Variants in RAP1A observed in about 807,000 individuals in gnomAD.
RAP1A encodes the protein ras-related protein Rap-1A.
In RAP1A, 6 loss-of-function variants were observed where a neutral mutation model predicts 26.4. The ratio of observed to expected loss-of-function variants is 0.23; its 90% CI spans 0.12 to 0.45. The LOEUF (loss-of-function observed/expected upper bound fraction) is 0.45. Ranked by LOEUF, RAP1A falls within the 20% of genes least tolerant of loss-of-function variation. RAP1A has a pLI of 0.99. For synonymous variants in RAP1A, 73 were observed against 79.4 expected, an observed-to-expected ratio of 0.92 and a Z score of 0.43; for missense variants, 121 against 217.2, an observed-to-expected ratio of 0.56 and a Z score of 2.78.
rs559800912 is a variant in RAP1A at position 111,596,907 on chromosome 1, G to T, written c.-28+54398G>T. 2.6e-5 allele frequency among the ~76,000 whole-genome samples: 4 copies of T among 152,312 alleles called. No individual in the cohort carries two copies. The East Asian group carries it at 5.8e-4, about 22-fold the overall frequency. On this transcript the variant is annotated intron_variant, in intron 1 of 7. Transcript: ENST00000356415. ...ATTAGCTTTCAATGTATTGATTTGG[G>T]GTTAGGGGGTCATAAACATTCATTC...
chr1:111,664,906 T>C (rs937130181), intron 1 of RAP1A, among the ~76,000 whole-genome samples: 26 of 152,220 alleles, frequency 1.7e-4, no homozygotes, highest in Non-Finnish European at 2.9e-5. Flanking sequence ...ATTACTATTG[T>C]TGTGTTGTTG....
At chr1:111,615,629 G>C (rs1658998206), upstream of RAP1A, among the ~76,000 whole-genome samples, 3 of 152,018 alleles carry the variant, frequency 2.0e-5, no homozygotes, top group African/African-American at 7.2e-5. Context: ...TCAGGAGATT[G>C]AGACCATCCT....
chr1:111,670,406 G>A (rs748664783), intron 1 of RAP1A, among the ~76,000 whole-genome samples: 2 of 152,024 alleles, frequency 1.3e-5, no homozygotes, highest in Admixed American at 6.6e-5. Flanking sequence ...CTCAGGAGGC[G>A]GAGGTTACAG....
At chr1:111,606,270 C>G (rs1266949502) in intron 1 of RAP1A, among the ~76,000 whole-genome samples, 1 of 152,072 alleles carries the variant, frequency 6.6e-6, no homozygotes, top group Non-Finnish European at 1.5e-5. Flanking sequence ...TAAAATGCCC[C>G]CTAAGGGAAT....
In RAP1A at chr1:111,714,123, A is replaced by T. The variant is rs1662464459; in HGVS notation, c.*1722A>T. On this transcript the variant is annotated 3_prime_UTR_variant, in exon 8 of 8. Coordinates refer to ENST00000369709, the MANE Select transcript of RAP1A (RefSeq NM_002884.4). ...GAGAAAATGTTAAAGTATTGTTTTT[A>T]AAAAAATGGAAATTTTTTTTGTTTG... The T allele has an allele frequency of 6.6e-6, 1 of 152,162 alleles. No homozygotes were observed. The highest frequency in any genetic ancestry group is 1.9e-4 in the East Asian group (1 of 5,198). 9.4% of individuals were successfully genotyped at this position (152,162 alleles called of 1,614,324 possible). A position where few individuals can be genotyped will look rare whatever the true frequency, so the allele number is the denominator to read the frequency against.
chr1:111,612,137 A>G (rs1483238345), intron 1 of RAP1A, among the ~76,000 whole-genome samples: 1 of 151,940 alleles, frequency 6.6e-6, no homozygotes, highest in Non-Finnish European at 1.5e-5. Flanking sequence ...TCTCCCTGAT[A>G]GTGAAGCTAA....
chr1:111,697,627 T>G, intron 4 of RAP1A, 130 bp downstream of exon 4: 2 of 1,471,994 alleles, frequency 1.4e-6, no homozygotes, highest in Non-Finnish European at 1.8e-6. Context: ...TCTCTGAACA[T>G]AGGGATTCTT....
chr1:111,607,590 T>G (rs1211849377), intron 1 of RAP1A, among the ~76,000 whole-genome samples: 1 of 140,972 alleles, frequency 7.1e-6, no homozygotes, highest in Non-Finnish European at 1.6e-5. Flanking sequence ...TAGGGGCGGC[T>G]GGGCAGAGGC....
In RAP1A at chr1:111,709,220, A is replaced by G. The variant is rs1662296972; in HGVS notation, c.540A>G (p.Ser180=). The part of the protein sequence containing the change: ...PVEKKKPKKK[S]CLLL Reference sequence around the variant, plus strand: ...AAAAGAAGAAGCCTAAAAAGAAATCATGTCTGCTGCTCTAGGCCCATAGTC... The same window carrying G: ...AAAAGAAGAAGCCTAAAAAGAAATCGTGTCTGCTGCTCTAGGCCCATAGTC... The change falls in exon 7 of 8, where the codon TCA becomes TCG. Residue 180 remains serine, a synonymous_variant. Transcript: ENST00000369709. The G allele has an allele frequency of 6.2e-7, 1 of 1,613,442 alleles. No homozygotes were observed. Among genetic ancestry groups the G allele is most frequent in the Non-Finnish European group, 8.5e-7 (1 of 1,179,766 alleles).
chr1:111,639,268 A>G (rs893089478), intron 1 of RAP1A, among the ~76,000 whole-genome samples: 2 of 152,166 alleles, frequency 1.3e-5, no homozygotes, highest in Non-Finnish European at 2.9e-5. Context: ...TATTAATCTA[A>G]TATAGCTCAA....
Position 111,714,403 on chromosome 1 carries a change from A to T in RAP1A, c.*2002A>T, listed in dbSNP as rs1335667884. 1 of 152,246 alleles carries T rather than the reference A, an allele frequency of 6.6e-6. No individual in the cohort carries two copies. 9.4% of individuals were successfully genotyped at this position (152,246 alleles called of 1,614,324 possible). Reference sequence around the variant, plus strand: ...CTCATCAACCAGTAAAACTTTCTAAATACTACCTTGTCACATCTATTGTGT... The same window carrying T: ...CTCATCAACCAGTAAAACTTTCTAATTACTACCTTGTCACATCTATTGTGT... On this transcript the variant is annotated 3_prime_UTR_variant, in exon 8 of 8. Coordinates refer to ENST00000369709, the MANE Select transcript of RAP1A (RefSeq NM_002884.4).
At chr1:111,543,014 A>C (rs1281875930) in intron 1 of RAP1A, among the ~76,000 whole-genome samples, 1 of 152,160 alleles carries the variant, frequency 6.6e-6, no homozygotes, top group Non-Finnish European at 1.5e-5. Context: ...TATTTGTTTT[A>C]TAACCATGAG....
At chr1:111,605,605 T>C (rs1313138833) in intron 1 of RAP1A, among the ~76,000 whole-genome samples, 1 of 152,244 alleles carries the variant, frequency 6.6e-6, no homozygotes, top group African/African-American at 2.4e-5. Context: ...TTGTTAAAGA[T>C]GTTTCTGTCT....
intron 1 of RAP1A, among the ~76,000 whole-genome samples, chr1:111,662,162 G>A (rs962792188): frequency 2.6e-5 from 4 of 151,982 alleles, no homozygotes; most frequent in South Asian, 2.1e-4. Flanking sequence ...TTGGGAGGCC[G>A]AGGCGGGCAG....
At chr1:111,600,923 T>A (rs1055987002) in intron 1 of RAP1A, among the ~76,000 whole-genome samples, 1 of 152,202 alleles carries the variant, frequency 6.6e-6, no homozygotes, top group African/African-American at 2.4e-5. Flanking sequence ...AACTATACAT[T>A]CTTTATGCAT....
chr1:111,668,655 A>C (rs929770756), intron 1 of RAP1A, among the ~76,000 whole-genome samples: 1 of 152,178 alleles, frequency 6.6e-6, no homozygotes, highest in East Asian at 1.9e-4. Context: ...CCATTTTACT[A>C]TACTGCTTAT....
At chr1:111,697,215 ATATC>A (rs1160129486) in intron 3 of RAP1A, among the ~76,000 whole-genome samples, 1 of 152,158 alleles carries the variant, frequency 6.6e-6, no homozygotes, top group African/African-American at 2.4e-5. Context: ...AGGTCAGAAA[ATATC>A]TAAACTCAGC....
intron 1 of RAP1A, among the ~76,000 whole-genome samples, chr1:111,657,753 T>A (rs1293629188): frequency 6.6e-6 from 1 of 152,212 alleles, no homozygotes; most frequent in Non-Finnish European, 1.5e-5. Flanking sequence ...TCAAAAATCA[T>A]TTGACCATAT....
chr1:111,548,359 T>G (rs1208993954), intron 1 of RAP1A, among the ~76,000 whole-genome samples: 2 of 152,260 alleles, frequency 1.3e-5, no homozygotes, highest in East Asian at 3.8e-4. Flanking sequence ...TTGCTTTGAT[T>G]GTGCCTTGTC....
Sources: gnomAD v4.1 joint callset for allele counts (sites outside exome capture counted in the v4.1 genomes callset) on GRCh38, gnomAD v4.1.1 for gene constraint, MANE v1.5 for transcripts, NCBI Gene and HGNC (gene_info 2026-07-23, HGNC 2026-07-21) for gene names.